Variants in THYN1 observed in about 807,000 individuals in gnomAD.
THYN1 encodes thymocyte nuclear protein 1, also known as thymocyte protein thy28.
THYN1 carries 32 observed loss-of-function variants against 30.6 expected under a neutral mutation model. That is an observed-to-expected ratio of 1.05 (90% CI 0.79 to 1.40). THYN1 has a LOEUF of 1.40. Ranked by LOEUF, THYN1 falls within the 40% of genes most tolerant of loss-of-function variation. The probability of loss-of-function intolerance (pLI) is 0.00; values close to 1 mark genes in which losing one functional copy is unlikely to be tolerated. For missense variants in THYN1, 259 were observed against 272.6 expected, an observed-to-expected ratio of 0.95 and a Z score of 0.35; for synonymous variants, 107 against 90.8, an observed-to-expected ratio of 1.18 and a Z score of -1.01.
chr11:134,253,146 C>A lies in THYN1; in HGVS notation c.-264G>T. The A allele has an allele frequency of 7.4e-7, 1 of 1,349,384 alleles. No homozygotes were observed. The highest frequency in any genetic ancestry group is 3.0e-5 in the East Asian group (1 of 33,890). The allele number at this position is 1,349,384 out of a possible 1,614,324, so 83.6% of individuals were successfully genotyped here. On this transcript the variant is annotated 5_prime_UTR_variant, in exon 1 of 7. Transcript: ENST00000341541. ...CCTTGGTCCTTCTCATCCAGGAACC[C>A]CTATCTCAGTATGTAGTTCACTGGG...
In THYN1 at chr11:134,250,324, T is replaced by C; in HGVS notation, c.242A>G (p.Lys81Arg). 6.2e-7 allele frequency: 1 copy of C among 1,614,186 alleles called. No homozygotes were observed. The highest frequency in any genetic ancestry group is 1.1e-5 in the South Asian group (1 of 91,080). The change falls in exon 3 of 7, where the codon AAA becomes AGA. Residue 81 changes from lysine to arginine, a missense_variant. Coordinates refer to ENST00000341541, the MANE Select transcript of THYN1 (RefSeq NM_014174.3). ...VDVKFSIEDL[K>R]AQPKQTTCWD... The stretch of plus-strand genomic sequence containing the variant: ...GCATGTTGTCTGTTTGGGCTGTGCT[T>C]TGAGATCCTCAATGCTGAACTAGGC...
At chr11:134,252,109 A>C (rs1413435411) in intron 1 of THYN1, among the ~76,000 whole-genome samples, 1 of 152,190 alleles carries the variant, frequency 6.6e-6, no homozygotes, top group Non-Finnish European at 1.5e-5. Flanking sequence ...ATCTGAAGCT[A>C]CTTAATGACT....
At position 134,248,450 on chromosome 11, in the gene THYN1, C is replaced by T. The variant is rs867738661; in HGVS notation, c.666G>A (p.Lys222=). Residue 222 remains lysine, a synonymous_variant, in exon 7 of 7, where the codon AAG becomes AAA. Transcript: ENST00000341541. ...AGCAGTATCTCAGTTAACTTGGTTCCTTTTCCTCCAGGCTCAAAACAAAAT... is the reference window on the plus strand; with the variant it reads ...AGCAGTATCTCAGTTAACTTGGTTCTTTTTCCTCCAGGCTCAAAACAAAAT... ...EFDFVLSLEE[K]EPS The T allele has an allele frequency of 6.2e-7, 1 of 1,613,938 alleles. No individual in the cohort carries two copies. The highest frequency in any genetic ancestry group is 2.2e-5 in the East Asian group (1 of 44,876).
chr11:134,250,672 A>T (rs1287267843), intron 2 of THYN1, among the ~76,000 whole-genome samples: 2 of 152,220 alleles, frequency 1.3e-5, no homozygotes, highest in Non-Finnish European at 2.9e-5. Flanking sequence ...TCCCTGAAAT[A>T]TACATCAACT....
rs750898411 is a variant in THYN1 at position 134,252,903 on chromosome 11, T to C, written c.-21A>G. The C allele has an allele frequency of 1.3e-6, 2 of 1,574,804 alleles. No individual in the cohort carries two copies. The highest frequency in any genetic ancestry group is 1.2e-5 in the South Asian group (1 of 85,890). On this transcript the variant is annotated 5_prime_UTR_variant, in exon 1 of 7. Coordinates refer to ENST00000341541, the MANE Select transcript of THYN1 (RefSeq NM_014174.3). ...GACATGGTCACGCTGCAGGGGACTTTAGTGCGGACGATTCTGGAATCAACG... is the reference window on the plus strand; with the variant it reads ...GACATGGTCACGCTGCAGGGGACTTCAGTGCGGACGATTCTGGAATCAACG...
At chr11:134,250,148 CATT>C in intron 3 of THYN1, 124 bp downstream of exon 3, 1 of 1,085,212 alleles carries the variant, frequency 9.2e-7, no homozygotes. Flanking sequence ...TTTTTTAATA[CATT>C]ATCAGGTTTG....
intron 2 of THYN1, 62 bp from the exon 3 acceptor site, chr11:134,250,405 G>A (rs1359407085): frequency 1.9e-6 from 3 of 1,581,738 alleles, no homozygotes; most frequent in Non-Finnish European, 1.7e-6. Flanking sequence ...AAGCACATAT[G>A]GAAGCAGACA....
At chr11:134,252,263 C>A (rs991614090) in intron 1 of THYN1, among the ~76,000 whole-genome samples, 1 of 152,198 alleles carries the variant, frequency 6.6e-6, no homozygotes, top group Non-Finnish European at 1.5e-5. Context: ...ACTGCAAACA[C>A]CACATATTGA....
intron 1 of THYN1, among the ~76,000 whole-genome samples, chr11:134,252,343 T>G (rs1439503501): frequency 1.3e-5 from 2 of 152,198 alleles, no homozygotes; most frequent in Non-Finnish European, 2.9e-5. Context: ...TTTCTGTACC[T>G]TCCAATGTTC....
intron 2 of THYN1, 28 bp from the exon 3 acceptor site, chr11:134,250,371 T>C: frequency 6.2e-7 from 1 of 1,613,732 alleles, no homozygotes; most frequent in Non-Finnish European, 8.5e-7. Context: ...AATTCAATCA[T>C]TAAACAATCC....
intron 2 of THYN1, among the ~76,000 whole-genome samples, chr11:134,250,874 C>T (rs931404111): frequency 5.3e-5 from 8 of 152,178 alleles, no homozygotes; most frequent in African/African-American, 1.9e-4. Flanking sequence ...GGCAGGGTTG[C>T]AACAGAGACT....
chr11:134,251,181 C>T lies in THYN1; in HGVS notation c.171G>A (p.Trp57Ter). The T allele has an allele frequency of 5.0e-6, 8 of 1,614,178 alleles. No individual in the cohort carries two copies. Among genetic ancestry groups the T allele is most frequent in the Non-Finnish European group, 6.8e-6 (8 of 1,180,028 alleles). Residue 57 changes from tryptophan to a stop codon, truncating the protein, a stop_gained, in exon 2 of 7, where the codon TGG becomes TGA. Coordinates refer to ENST00000341541, the MANE Select transcript of THYN1 (RefSeq NM_014174.3). LOFTEE classifies it high-confidence loss of function. ...GGCTCTCTGGCTCTGACTTCATCAG[C>T]CAGTGGCTGCTTAGATTCTTCAAAC... ...KNCLKNLSSH[W>*]LMKSEPESRL...
chr11:134,252,968 G>C lies in THYN1; in HGVS notation c.-86C>G, dbSNP rs1321667335. On this transcript the variant is annotated 5_prime_UTR_variant, in exon 1 of 7. Coordinates refer to ENST00000341541, the MANE Select transcript of THYN1 (RefSeq NM_014174.3). ...AATGCTAATGTCCTCCAAAACCCGC[G>C]CAGAGCGAGATGGAGGCAACGAGAG... 1 of 1,493,188 alleles carries C rather than the reference G, an allele frequency of 6.7e-7. No individual in the cohort carries two copies. The highest frequency in any genetic ancestry group is 2.4e-5 in the East Asian group (1 of 40,942). 92.5% of individuals were successfully genotyped at this position (1,493,188 alleles called of 1,614,324 possible).
rs1252581398 is a variant in THYN1 at position 134,249,726 on chromosome 11, AGT to A, written c.384+100_384+101del. Reference sequence around the variant, plus strand: ...GTAAAAGGGGGATGGGGTGGGGGGGAGTGTACTTTTTTGTTGCCTAATTAAGG... The same window carrying A: ...GTAAAAGGGGGATGGGGTGGGGGGGAGTACTTTTTTGTTGCCTAATTAAGG... On this transcript the variant is annotated intron_variant, in intron 4 of 6. Transcript: ENST00000341541. 1.4e-5 allele frequency: 15 copies of A among 1,074,390 alleles called. No homozygotes were observed. In the East Asian group the frequency reaches 3.7e-4, roughly 26 times the overall value. The allele number at this position is 1,074,390 out of a possible 1,614,324, so 66.6% of individuals were successfully genotyped here. A position where few individuals can be genotyped will look rare whatever the true frequency, so the allele number is the denominator to read the frequency against.
intron 1 of THYN1, among the ~76,000 whole-genome samples, chr11:134,252,633 C>G (rs1443351175): frequency 6.6e-6 from 1 of 152,180 alleles, no homozygotes; most frequent in Non-Finnish European, 1.5e-5. Flanking sequence ...TTGTGCACAA[C>G]AACCATTGCC....
rs1479716624 is a variant in THYN1, at chr11:134,249,818, C to T, written c.384+10G>A. 2 of 1,613,484 alleles carry T rather than the reference C, an allele frequency of 1.2e-6. No individual in the cohort carries two copies. Among genetic ancestry groups the T allele is most frequent in the African/African-American group, 2.7e-5 (2 of 74,878 alleles). On this transcript the variant is annotated intron_variant, in intron 4 of 6. Coordinates refer to ENST00000341541, the MANE Select transcript of THYN1 (RefSeq NM_014174.3). ...GAAAAGGGATTCACACCAAAACCTG[C>T]CCAACTAACCTTCATGAGTCCTGCG...
chr11:134,249,729 G>A (rs1300340109), intron 4 of THYN1, 99 bp downstream of exon 4: 9 of 1,158,442 alleles, frequency 7.8e-6, no homozygotes, highest in East Asian at 7.2e-5. Context: ...GGGGGGGAGT[G>A]TACTTTTTTG....
chr11:134,249,762 T>C, intron 4 of THYN1, 66 bp downstream of exon 4: 1 of 1,508,438 alleles, frequency 6.6e-7, no homozygotes. Context: ...GGTATATCCC[T>C]TTATATCTAC....
rs553513290 is a variant in THYN1 at position 134,251,234 on chromosome 11, G to A, written c.118C>T (p.Pro40Ser). Residue 40 changes from proline (P) to serine (S), a missense_variant, in exon 2 of 7, where the codon CCT becomes TCT. Coordinates refer to ENST00000341541, the MANE Select transcript of THYN1 (RefSeq NM_014174.3). ...TTTTTAGTGGCTGAAGTCTTCTGAG[G>A]GTTGGAGTCCTCCACTTTAGCTAAT... The part of the protein sequence containing the change: ...EALAKVEDSN[P>S]QKTSATKNCL... The A allele has an allele frequency of 5.0e-6, 8 of 1,614,210 alleles. No individual in the cohort carries two copies. The highest frequency in any genetic ancestry group is 6.8e-6 in the Non-Finnish European group (8 of 1,180,034).
Sources: allele counts gnomAD v4.1 joint callset (sites outside exome capture counted in the v4.1 genomes callset), GRCh38; gene constraint gnomAD v4.1.1; transcripts MANE v1.5; gene names NCBI Gene and HGNC (gene_info 2026-07-23, HGNC 2026-07-21).